Variants in SPATA22 observed in about 807,000 individuals in gnomAD.
SPATA22 encodes spermatogenesis associated 22.
SPATA22 carries 29 observed loss-of-function variants against 47.8 expected under a neutral mutation model. The ratio of observed to expected loss-of-function variants is 0.61; its 90% CI spans 0.45 to 0.83. The LOEUF (loss-of-function observed/expected upper bound fraction) is 0.83. Among genes scored for constraint, SPATA22 ranks in the 40% least tolerant of loss-of-function variants. The pLI, the probability that SPATA22 is intolerant of heterozygous loss-of-function variation, is 0.00. For synonymous variants in SPATA22, 133 were observed against 140.9 expected, an observed-to-expected ratio of 0.94 and a Z score of 0.40; for missense variants, 410 against 421.7, an observed-to-expected ratio of 0.97 and a Z score of 0.24.
chr17:3,497,538 A>C (rs1288309622), intron 1 of SPATA22, among the ~76,000 whole-genome samples: 2 of 152,150 alleles, frequency 1.3e-5, no homozygotes, highest in East Asian at 3.8e-4. Flanking sequence ...ATAAAATATA[A>C]AAATAATGAT....
At chr17:3,452,656 A>C (rs1313101596) in intron 5 of SPATA22, among the ~76,000 whole-genome samples, 1 of 152,092 alleles carries the variant, frequency 6.6e-6, no homozygotes, top group Non-Finnish European at 1.5e-5. Flanking sequence ...AGCCCCTTAC[A>C]TAGACTAAAA....
upstream of SPATA22, chr17:3,471,972 C>T (rs1344631251): frequency 3.5e-6 from 2 of 571,304 alleles, no homozygotes; most frequent in Admixed American, 1.3e-4. Context: ...AGGGATGGCT[C>T]CAGCTCCTTA....
intron 1 of SPATA22, among the ~76,000 whole-genome samples, chr17:3,480,464 A>G (rs1182455865): frequency 6.6e-6 from 1 of 152,206 alleles, no homozygotes; most frequent in Non-Finnish European, 1.5e-5. Context: ...GCGCTGAATC[A>G]GTTCCTACGT....
At chr17:3,506,335 C>G (rs1183915709) in intron 1 of SPATA22, among the ~76,000 whole-genome samples, 1 of 152,118 alleles carries the variant, frequency 6.6e-6, no homozygotes, top group African/African-American at 2.4e-5. Context: ...TGGCACAGCC[C>G]AGAAGCTTAC....
chr17:3,467,365 C>A, intron 3 of SPATA22, 61 bp downstream of exon 3: 6 of 1,305,366 alleles, frequency 4.6e-6, no homozygotes, highest in Non-Finnish European at 6.3e-6. Flanking sequence ...ATATAAATTA[C>A]AATTTTCTAT....
Position 3,485,067 on chromosome 17 carries a change from T to C in SPATA22, c.-73-15669A>G, listed in dbSNP as rs2073696215. On this transcript the variant is annotated intron_variant, in intron 1 of 8. Coordinates refer to the SPATA22 transcript ENST00000541913. The surrounding 1 kb of genome is among the most constrained non-coding windows in gnomAD (Gnocchi z 4.4). The stretch of plus-strand genomic sequence containing the variant: ...AAGGGTCTCACTCTGTTGCCCAGGC[T>C]GAGTGTAGTGGCACGATCACAGTTC... Among the ~76,000 whole-genome samples, 1 of 152,170 alleles carries C rather than the reference T, an allele frequency of 6.6e-6. No individual in the cohort carries two copies. The highest frequency in any genetic ancestry group is 2.1e-4 in the South Asian group (1 of 4,830).
intron 1 of SPATA22, chr17:3,502,454 T>G (rs1366943536): frequency 6.6e-6 from 1 of 152,236 alleles, no homozygotes; most frequent in Admixed American, 6.5e-5. Flanking sequence ...GAATTGCTAT[T>G]TTTTTCAATT....
intron 1 of SPATA22, among the ~76,000 whole-genome samples, chr17:3,510,182 T>G (rs1373135961): frequency 6.6e-6 from 1 of 152,236 alleles, no homozygotes; most frequent in East Asian, 1.9e-4. Flanking sequence ...AGGGCTTTCA[T>G]GGCCTGAACC....
At chr17:3,473,129 C>T (rs545200532), upstream of SPATA22, among the ~76,000 whole-genome samples, 3 of 140,656 alleles carry the variant, frequency 2.1e-5, no homozygotes, top group South Asian at 6.7e-4. Flanking sequence ...AAAAAAAAAC[C>T]ACCTTAAGCC....
At chr17:3,473,169 G>A (rs1597419045), upstream of SPATA22, among the ~76,000 whole-genome samples, 1 of 146,488 alleles carries the variant, frequency 6.8e-6, no homozygotes. Context: ...GCAGACATGA[G>A]CAATATAGAA....
intron 1 of SPATA22, among the ~76,000 whole-genome samples, chr17:3,495,832 G>C (rs994722775): frequency 9.5e-4 from 145 of 152,320 alleles, no homozygotes; most frequent in African/African-American, 3.4e-3. Context: ...CTCCCAAAGT[G>C]GTGGGATTAC....
rs1205850350 is a variant in SPATA22, at chr17:3,490,548, A to ACT, written c.-73-21152_-73-21151dup. Among the ~76,000 whole-genome samples the ACT allele has an allele frequency of 2.0e-5, 3 of 152,088 alleles. No individual in the cohort carries two copies. The highest frequency in any genetic ancestry group is 2.9e-5 in the Non-Finnish European group (2 of 68,022). On this transcript the variant is annotated intron_variant, in intron 1 of 8. Transcript: ENST00000541913. The surrounding 1 kb of genome is among the most constrained non-coding windows in gnomAD (Gnocchi z 4.6). ...CTCAACCTCAGATCGTGCGCACCCC[A>ACT]CTGCAATCACAGACATTCGTTTTGT...
upstream of SPATA22, among the ~76,000 whole-genome samples, chr17:3,474,999 C>A (rs550127047): frequency 6.6e-6 from 1 of 152,114 alleles, no homozygotes; most frequent in South Asian, 2.1e-4. Context: ...CCCACCCTAT[C>A]GTATAAAATT....
At chr17:3,481,898 C>A in intron 1 of SPATA22, 2 of 1,161,202 alleles carry the variant, frequency 1.7e-6, no homozygotes. Context: ...AGGGAAGGTG[C>A]AAGAGAAATG....
intron 2 of SPATA22, 70 bp from the exon 3 acceptor site, chr17:3,467,624 T>A: frequency 7.8e-7 from 1 of 1,286,162 alleles, no homozygotes. Context: ...AAATAATTAC[T>A]AGTATAATAC....
chr17:3,455,798 T>G (rs1227808956), intron 5 of SPATA22, among the ~76,000 whole-genome samples: 1 of 150,426 alleles, frequency 6.6e-6, no homozygotes, highest in Non-Finnish European at 1.5e-5. Context: ...TGGTTCCATA[T>G]GAACTTTAAA....
intron 1 of SPATA22, chr17:3,513,351 A>C (rs921715607): frequency 1.3e-5 from 2 of 152,870 alleles, no homozygotes; most frequent in Non-Finnish European, 2.9e-5. Flanking sequence ...TTTTCCCCGA[A>C]GGGTTCCGGA....
chr17:3,453,965 T>G (rs1597394327), intron 5 of SPATA22, among the ~76,000 whole-genome samples: 2 of 152,104 alleles, frequency 1.3e-5, no homozygotes, highest in South Asian at 4.1e-4. Context: ...TGATCTTGTA[T>G]GTAGAAAACC....
At chr17:3,489,222 C>T in intron 1 of SPATA22, 1 of 1,518,054 alleles carries the variant, frequency 6.6e-7, no homozygotes, top group South Asian at 1.1e-5. Context: ...ACTATCTCTC[C>T]TTCTGTACCT....
Sources: gnomAD v4.1 joint callset for allele counts (sites outside exome capture counted in the v4.1 genomes callset) on GRCh38, gnomAD v4.1.1 for gene constraint, Gnocchi (gnomAD v3.1) non-coding constraint, MANE v1.5 for transcripts, NCBI Gene and HGNC (gene_info 2026-07-23, HGNC 2026-07-21) for gene names.